ZPLD1: variants seen among roughly 807,000 people sequenced by gnomAD.
The protein encoded by ZPLD1 is zona pellucida like domain containing 1.
In ZPLD1, 34 loss-of-function variants were observed where a neutral mutation model predicts 47.2. That is an observed-to-expected ratio of 0.72 (90% CI 0.55 to 0.96). The LOEUF is 0.96. ZPLD1 is among the 40% of genes least tolerant of loss of function. ZPLD1 has a pLI of 0.00. For missense variants in ZPLD1, 512 were observed against 505.8 expected (o/e 1.01, Z -0.12); for synonymous variants, 176 against 186.2 (o/e 0.95, Z 0.45).
chr3:102,457,550 A>G (rs1333843571), intron 5 of ZPLD1, among the ~76,000 whole-genome samples: 2 of 152,224 alleles, frequency 1.3e-5, no homozygotes, highest in Non-Finnish European at 2.9e-5. Context: ...AACAAACAAA[A>G]AAGATTGCTT....
Position 102,479,512 on chromosome 3 carries a change from T to C in ZPLD1, c.*1894T>C, listed in dbSNP as rs1707807634. ...TGGCCTTTTCAATTCTATACTCCAT[T>C]TTATAGAATTGAATAATGGACACAT... is the stretch of plus-strand genomic sequence containing the variant. On this transcript the variant is annotated 3_prime_UTR_variant, in exon 12 of 12. Coordinates refer to ENST00000466937, the MANE Select transcript of ZPLD1 (RefSeq NM_001329788.2). 2 of 152,162 alleles carry C rather than the reference T, an allele frequency of 1.3e-5. No homozygotes were observed. The highest frequency in any genetic ancestry group is 4.8e-5 in the African/African-American group (2 of 41,440). The allele number at this position is 152,162 out of a possible 1,614,324, so 9.4% of individuals were successfully genotyped here.
intron 7 of ZPLD1, among the ~76,000 whole-genome samples, chr3:102,410,272 T>C (rs1018724992): frequency 6.6e-6 from 1 of 151,816 alleles, no homozygotes; most frequent in Non-Finnish European, 1.5e-5. Context: ...CATTTTACTT[T>C]TTGTATTCAG....
intron 7 of ZPLD1, among the ~76,000 whole-genome samples, chr3:102,403,723 C>T (rs1346526067): frequency 1.3e-5 from 2 of 151,872 alleles, no homozygotes; most frequent in Admixed American, 1.3e-4. Context: ...GTTGAAGTCA[C>T]ATAGGTATGG....
At chr3:102,445,917 T>C (rs1434104606) in intron 3 of ZPLD1, among the ~76,000 whole-genome samples, 1 of 152,206 alleles carries the variant, frequency 6.6e-6, no homozygotes, top group Non-Finnish European at 1.5e-5. Flanking sequence ...AATTTTATAT[T>C]ATTTAATGAG....
intron 7 of ZPLD1, among the ~76,000 whole-genome samples, chr3:102,408,222 C>T (rs540897538): frequency 4.1e-4 from 62 of 151,786 alleles, no homozygotes; most frequent in Admixed American, 3.6e-3. Context: ...AACCTATTAC[C>T]CTTCTAGACC....
rs1707811360 is a variant in ZPLD1, at chr3:102,479,683, T to G, written c.*2065T>G. 6.6e-6 allele frequency: 1 copy of G among 152,200 alleles called. No homozygotes were observed. Among genetic ancestry groups the G allele is most frequent in the African/African-American group, 2.4e-5 (1 of 41,444 alleles). The allele number at this position is 152,200 out of a possible 1,614,324, so 9.4% of individuals were successfully genotyped here. ...TCTGCAGTTATATGGAGTATTTAGT[T>G]ATACTGAATTTTACAGTTATTATAG... On this transcript the variant is annotated 3_prime_UTR_variant, in exon 12 of 12. Transcript: ENST00000466937.
chr3:102,436,090 G>A (rs1180403466), intron 1 of ZPLD1, among the ~76,000 whole-genome samples: 1 of 152,170 alleles, frequency 6.6e-6, no homozygotes, highest in Non-Finnish European at 1.5e-5. Flanking sequence ...AATGGTTAGG[G>A]TATTAATCAC....
chr3:102,448,070 C>A (rs767043500), intron 3 of ZPLD1, among the ~76,000 whole-genome samples: 2 of 151,966 alleles, frequency 1.3e-5, no homozygotes, highest in African/African-American at 4.8e-5. Context: ...AACCATTGCC[C>A]GATAGATGGA....
At chr3:102,388,291 T>C (rs1706455747) in intron 6 of ZPLD1, among the ~76,000 whole-genome samples, 1 of 152,060 alleles carries the variant, frequency 6.6e-6, no homozygotes, top group Admixed American at 6.5e-5. Flanking sequence ...GAGTATACTC[T>C]CTCTTGTATA....
upstream of ZPLD1, among the ~76,000 whole-genome samples, chr3:102,431,117 T>A (rs558361468): frequency 6.6e-6 from 1 of 152,286 alleles, no homozygotes; most frequent in Admixed American, 6.5e-5. Flanking sequence ...AACTAAACAC[T>A]GTAGATCATT....
At chr3:102,443,755 T>C (rs897871751) in intron 3 of ZPLD1, among the ~76,000 whole-genome samples, 1 of 152,236 alleles carries the variant, frequency 6.6e-6, no homozygotes, top group Non-Finnish European at 1.5e-5. Context: ...ATATTAGGCT[T>C]TGCTTAACCA....
intron 8 of ZPLD1, among the ~76,000 whole-genome samples, chr3:102,422,712 T>C (rs926131192): frequency 6.6e-6 from 1 of 151,988 alleles, no homozygotes. Flanking sequence ...AGAAAAGATA[T>C]GGATATATAA....
chr3:102,400,667 A>G (rs1308009217), intron 7 of ZPLD1, among the ~76,000 whole-genome samples: 1 of 152,002 alleles, frequency 6.6e-6, no homozygotes, highest in Non-Finnish European at 1.5e-5. Context: ...ATCATTTATT[A>G]TTTATTTAAT....
At chr3:102,456,434 T>A in intron 5 of ZPLD1, 60 bp downstream of exon 5, 1 of 1,432,792 alleles carries the variant, frequency 7.0e-7, no homozygotes, top group East Asian at 2.3e-5. Context: ...GCATTTCGTA[T>A]CTTTCAGGGA....
At chr3:102,474,601 A>T (rs2673550) in intron 10 of ZPLD1, among the ~76,000 whole-genome samples, 65,759 of 150,032 alleles carry the variant, frequency 0.44, 15,222 homozygotes, top group African/African-American at 0.56. Flanking sequence ...AAAGTTTTTT[A>T]AAAAAAAAAC....
intron 7 of ZPLD1, among the ~76,000 whole-genome samples, chr3:102,417,191 G>A (rs2107303268): frequency 6.6e-6 from 1 of 152,030 alleles, no homozygotes; most frequent in Admixed American, 6.6e-5. Context: ...TTAGCGCAAT[G>A]TGCTTTTTTC....
At position 102,456,398 on chromosome 3, in the gene ZPLD1, T is replaced by C. The variant is rs181708259; in HGVS notation, c.509+24T>C. On this transcript the variant is annotated intron_variant, in intron 5 of 11. Transcript: ENST00000466937. Reference sequence around the variant, plus strand: ...TCGTAAGTTTGCATTTTATTCCTGCTTTCTCATATTGCATTTTTGCTTCAG... The same window carrying C: ...TCGTAAGTTTGCATTTTATTCCTGCCTTCTCATATTGCATTTTTGCTTCAG... The C allele has an allele frequency of 2.5e-3, 3,972 of 1,602,066 alleles. 20 individuals are homozygous for C. Among genetic ancestry groups the C allele is most frequent in the Non-Finnish European group, 2.2e-3 (2,559 of 1,173,422 alleles).
rs747073280 is a variant in ZPLD1 at position 102,457,842 on chromosome 3, C to T, written c.571C>T (p.Leu191Phe). 6.2e-7 allele frequency: 1 copy of T among 1,613,780 alleles called. No homozygotes were observed. The highest frequency in any genetic ancestry group is 1.3e-5 in the African/African-American group (1 of 74,898). ...CACATTTGTCAGCACTTTGAACCTG[C>T]TCCTTTATAACGTAAGTTGATGGGT... The part of the protein sequence containing the change: ...NGTFVSTLNL[L>F]LYNDSTYNQQ... Residue 191 changes from leucine (L) to phenylalanine (F), a missense_variant, in exon 6 of 12, where the codon CTC becomes TTC. Physicochemically the swap from Leu to Phe is conservative, Grantham distance 22. Transcript: ENST00000466937.
intron 7 of ZPLD1, among the ~76,000 whole-genome samples, chr3:102,413,610 A>G (rs1706770667): frequency 6.6e-6 from 1 of 151,774 alleles, no homozygotes; most frequent in Non-Finnish European, 1.5e-5. Flanking sequence ...GGCCCAATGG[A>G]CATTCCCTAT....
Sources: allele counts gnomAD v4.1 joint callset (sites outside exome capture counted in the v4.1 genomes callset), GRCh38; gene constraint gnomAD v4.1.1; transcripts MANE v1.5; gene names NCBI Gene and HGNC (gene_info 2026-07-23, HGNC 2026-07-21).